The following ATP8A2 variants were observed in gnomAD, a reference collection of about 807,000 sequenced individuals.
The protein encoded by ATP8A2 is phospholipid-transporting ATPase IB.
In ATP8A2, 100 loss-of-function variants were observed where a neutral mutation model predicts 165.6. The ratio of observed to expected loss-of-function variants is 0.60; its 90% CI spans 0.51 to 0.71. The LOEUF is 0.71. ATP8A2 is among the 30% of genes least tolerant of loss of function. The pLI, the probability that ATP8A2 is intolerant of heterozygous loss-of-function variation, is 0.00. For missense variants in ATP8A2, 1,227 were observed against 1,479.5 expected (o/e 0.83, Z 2.80); for synonymous variants, 543 against 548.8 (o/e 0.99, Z 0.15).
chr13:25,901,055 C>G (rs915455394), intron 33 of ATP8A2, among the ~76,000 whole-genome samples: 1 of 152,182 alleles, frequency 6.6e-6, no homozygotes, highest in Non-Finnish European at 1.5e-5. Context: ...TGGGGGATGA[C>G]TGCATTGCTC....
At position 25,814,620 on chromosome 13, in the gene ATP8A2, TAA is replaced by T. The variant is rs3981881; in HGVS notation, c.2680-13481_2680-13480del. ...AACAAGAGTGCCGAGAGCATTCAAT[TAA>T]AAAAAAAAAAAAAAAAGTCCTTTCA... On this transcript the variant is annotated intron_variant, in intron 27 of 36. Coordinates refer to ENST00000381655, the MANE Select transcript of ATP8A2 (RefSeq NM_016529.6). Among the ~76,000 whole-genome samples, 304 of 129,606 alleles carry T rather than the reference TAA, an allele frequency of 2.3e-3. 3 individuals carry two copies. The highest frequency in any genetic ancestry group is 8.2e-3 in the African/African-American group (281 of 34,274). The allele number at this position is 129,606 out of a possible 152,430, so 85.0% of individuals were successfully genotyped here. A position where few individuals can be genotyped will look rare whatever the true frequency, so the allele number is the denominator to read the frequency against.
chr13:25,899,782 G>T (rs2138943107), intron 33 of ATP8A2, among the ~76,000 whole-genome samples: 1 of 152,328 alleles, frequency 6.6e-6, no homozygotes. Context: ...CAAGAAACTT[G>T]ATTTTCCTGC....
At chr13:25,828,055 C>T in intron 27 of ATP8A2, 63 bp from the exon 28 acceptor site, 1 of 1,321,010 alleles carries the variant, frequency 7.6e-7, no homozygotes. Context: ...GCTACTTCTT[C>T]AGTGAATGGA....
At chr13:25,622,387 G>T (rs980262238) in intron 24 of ATP8A2, among the ~76,000 whole-genome samples, 2 of 152,042 alleles carry the variant, frequency 1.3e-5, no homozygotes, top group Non-Finnish European at 2.9e-5. Flanking sequence ...GGAGCAGAAG[G>T]AAGGAGAAGG....
chr13:25,588,972 G>T lies in ATP8A2; in HGVS notation c.2147-663G>T, dbSNP rs556285043. Among the ~76,000 whole-genome samples the T allele has an allele frequency of 3.9e-5, 6 of 152,248 alleles. No individual in the cohort carries two copies. In the South Asian group the frequency reaches 1.2e-3, roughly 32 times the overall value. Reference sequence around the variant, plus strand: ...AAGTATGAGTAGGAAAGAGCCCAGGGCTTCCTAGAAAATAGTTCTCCTGCT... The same window carrying T: ...AAGTATGAGTAGGAAAGAGCCCAGGTCTTCCTAGAAAATAGTTCTCCTGCT... On this transcript the variant is annotated intron_variant, in intron 23 of 36. Coordinates refer to ENST00000381655, the MANE Select transcript of ATP8A2 (RefSeq NM_016529.6).
At chr13:25,997,088 G>T (rs7337851) in intron 35 of ATP8A2, among the ~76,000 whole-genome samples, 91,518 of 151,602 alleles carry the variant, frequency 0.6, 27,893 homozygotes, top group East Asian at 0.81. Flanking sequence ...CAAAGTGCTG[G>T]GATTACAGGT....
intron 33 of ATP8A2, among the ~76,000 whole-genome samples, chr13:25,929,346 A>G (rs2139063189): frequency 6.6e-6 from 1 of 152,288 alleles, no homozygotes; most frequent in South Asian, 2.1e-4. Context: ...GCTGCAAGCA[A>G]GAGGAAAGGT....
At chr13:25,952,357 A>T (rs1324781743) in intron 33 of ATP8A2, among the ~76,000 whole-genome samples, 3 of 149,632 alleles carry the variant, frequency 2.0e-5, no homozygotes, top group Non-Finnish European at 4.4e-5. Context: ...TAAGCACTTC[A>T]TCTGGCCATG....
intron 15 of ATP8A2, 85 bp downstream of exon 15, chr13:25,559,850 GAC>G: frequency 9.3e-7 from 1 of 1,071,612 alleles, no homozygotes; most frequent in South Asian, 1.3e-5. Flanking sequence ...CATTTTTAGA[GAC>G]AGCCTCACTC....
At chr13:25,666,382 TG>T (rs111839925) in intron 24 of ATP8A2, among the ~76,000 whole-genome samples, 10,561 of 138,290 alleles carry the variant, frequency 0.076, 1,003 homozygotes, top group East Asian at 0.29. Flanking sequence ...GCTAATTTTT[TG>T]TGTGTGTGTG....
At chr13:25,832,855 A>G (rs1951513636) in intron 28 of ATP8A2, among the ~76,000 whole-genome samples, 1 of 152,202 alleles carries the variant, frequency 6.6e-6, no homozygotes, top group African/African-American at 2.4e-5. Flanking sequence ...AGAAGATTAC[A>G]AATATTGGGA....
chr13:25,582,891 G>A (rs868140016), intron 23 of ATP8A2, among the ~76,000 whole-genome samples: 76 of 152,130 alleles, frequency 5.0e-4, no homozygotes, highest in African/African-American at 1.7e-3. Flanking sequence ...ATAGACAAAA[G>A]CCATGTAATC....
chr13:25,679,199 A>T (rs1057176798), intron 24 of ATP8A2, among the ~76,000 whole-genome samples: 5 of 152,318 alleles, frequency 3.3e-5, no homozygotes, highest in Admixed American at 2.6e-4. Context: ...CTAGAGGCAG[A>T]AAGAGGGAAA....
intron 2 of ATP8A2, among the ~76,000 whole-genome samples, chr13:25,501,353 G>A (rs1309183299): frequency 6.6e-6 from 1 of 152,164 alleles, no homozygotes; most frequent in Non-Finnish European, 1.5e-5. Context: ...AGCAGGTTTA[G>A]AATTGGCTGA....
At chr13:25,751,210 C>A (rs1297913166) in intron 25 of ATP8A2, among the ~76,000 whole-genome samples, 1 of 148,908 alleles carries the variant, frequency 6.7e-6, no homozygotes, top group African/African-American at 2.4e-5. Context: ...GCCCTGAGGG[C>A]CCCAGACTGT....
At chr13:25,764,247 C>T (rs1446146008) in intron 25 of ATP8A2, among the ~76,000 whole-genome samples, 1 of 152,030 alleles carries the variant, frequency 6.6e-6, no homozygotes, top group African/African-American at 2.4e-5. Flanking sequence ...TTTGCCCCTA[C>T]CACCTTCTTA....
At position 25,829,668 on chromosome 13, in the gene ATP8A2, G is replaced by GTATATA. The variant is rs71080203; in HGVS notation, c.2754+1524_2754+1529dup. On this transcript the variant is annotated intron_variant, in intron 28 of 36. Coordinates refer to ENST00000381655, the MANE Select transcript of ATP8A2 (RefSeq NM_016529.6). ...TGTTGTAGAGCCAAGGACAGGTGTG[G>GTATATA]TATATATATATATATATATATATAT... Among the ~76,000 whole-genome samples, 362 of 63,210 alleles carry GTATATA rather than the reference G, an allele frequency of 5.7e-3. 16 individuals carry two copies. Among genetic ancestry groups the GTATATA allele is most frequent in the Non-Finnish European group, 7.0e-3 (224 of 31,808 alleles). The allele number at this position is 63,210 out of a possible 152,430, so 41.5% of individuals were successfully genotyped here. A position where few individuals can be genotyped will look rare whatever the true frequency, so the allele number is the denominator to read the frequency against.
intron 24 of ATP8A2, among the ~76,000 whole-genome samples, chr13:25,605,536 C>G: frequency 6.6e-6 from 1 of 152,036 alleles, no homozygotes; most frequent in East Asian, 1.9e-4. Flanking sequence ...AAATTTTTGG[C>G]TCTTTTAATT....
At chr13:25,888,073 C>T (rs892432693) in intron 33 of ATP8A2, among the ~76,000 whole-genome samples, 2 of 132,868 alleles carry the variant, frequency 1.5e-5, no homozygotes, top group African/African-American at 5.4e-5. Context: ...CCCAGACCCC[C>T]CCCCCGCCCC....
Sources: allele counts gnomAD v4.1 joint callset (sites outside exome capture counted in the v4.1 genomes callset), GRCh38; gene constraint gnomAD v4.1.1; transcripts MANE v1.5; gene names NCBI Gene and HGNC (gene_info 2026-07-23, HGNC 2026-07-21).